Variants in PLEKHO1 observed in about 807,000 individuals in gnomAD.
PLEKHO1 encodes the protein pleckstrin homology domain containing O1.
In PLEKHO1, 22 loss-of-function variants were observed where a neutral mutation model predicts 41.4. The observed-to-expected ratio is 0.53, with a 90% CI of 0.38 to 0.76. The LOEUF is 0.76. PLEKHO1 is among the 30% of genes least tolerant of loss of function. The pLI, the probability that PLEKHO1 is intolerant of heterozygous loss-of-function variation, is 0.00. For missense variants in PLEKHO1, 488 were observed against 518.3 expected (o/e 0.94, Z 0.57); for synonymous variants, 225 against 210.8 (o/e 1.07, Z -0.58).
At chr1:150,150,645 A>AGGGAACCT (rs1258183178) in intron 1 of PLEKHO1, 1 of 425,662 alleles carries the variant, frequency 2.3e-6, no homozygotes, top group South Asian at 2.6e-5. Flanking sequence ...CAGGGCCTGG[A>AGGGAACCT]GGGAACCTGG....
rs587728777 is a variant in PLEKHO1 at position 150,159,199 on chromosome 1, G to A, written c.906G>A (p.Pro302=). ...CCCCAACCCCTGCCCTCCCCAACCC[G>A]GGGCAGCTGTCCCGGATCCAGGACC... ...EEPPTPALPN[P]GQLSRIQDLV... The change falls in exon 6 of 6, where the codon CCG becomes CCA. Residue 302 remains proline, a synonymous_variant. Transcript: ENST00000369124. 1.9e-5 allele frequency: 31 copies of A among 1,613,866 alleles called. No individual in the cohort carries two copies. Among genetic ancestry groups the A allele is most frequent in the South Asian group, 3.3e-5 (3 of 91,066 alleles).
chr1:150,155,969 C>T, intron 2 of PLEKHO1, 97 bp from the exon 3 acceptor site: 1 of 1,208,048 alleles, frequency 8.3e-7, no homozygotes, highest in South Asian at 1.4e-5. Context: ...TCCCTCTCCT[C>T]AGGCTTCCTC....
At chr1:150,151,480 A>G (rs1359932004) in intron 2 of PLEKHO1, among the ~76,000 whole-genome samples, 1 of 152,026 alleles carries the variant, frequency 6.6e-6, no homozygotes, top group Non-Finnish European at 1.5e-5. Context: ...TGTCTGTGGC[A>G]GGAGCGTGCA....
chr1:150,157,843 T>TA (rs1336016381), intron 5 of PLEKHO1, among the ~76,000 whole-genome samples: 1 of 152,176 alleles, frequency 6.6e-6, no homozygotes, highest in Non-Finnish European at 1.5e-5. Flanking sequence ...TCCTGAAACA[T>TA]ACAACGTGCT....
At chr1:150,157,537 C>T in intron 5 of PLEKHO1, 51 bp downstream of exon 5, 1 of 1,280,878 alleles carries the variant, frequency 7.8e-7, no homozygotes, top group Non-Finnish European at 1.1e-6. Flanking sequence ...TGTGTCAGTC[C>T]ATCTCAGACA....
At chr1:150,153,330 G>A (rs782376737) in intron 2 of PLEKHO1, among the ~76,000 whole-genome samples, 4 of 152,048 alleles carry the variant, frequency 2.6e-5, no homozygotes, top group Non-Finnish European at 5.9e-5. Context: ...TGGGACTACA[G>A]GCATGCACCA....
Position 150,159,497 on chromosome 1 carries a change from A to G in PLEKHO1, c.1204A>G (p.Ser402Gly). 1 of 1,610,972 alleles carries G rather than the reference A, an allele frequency of 6.2e-7. No homozygotes were observed. Among genetic ancestry groups the G allele is most frequent in the Non-Finnish European group, 8.5e-7 (1 of 1,177,962 alleles). The change falls in exon 6 of 6, where the codon AGT becomes GGT. Residue 402 changes from serine to glycine, a missense_variant. Transcript: ENST00000369124. ...CCACCTCAGACAGACCACCCCGCAC[A>G]GTCAGTACCGGAAGAGCCTGATGTG... ...DSHLRQTTPH[S>G]QYRKSLM is the part of the protein sequence containing the mutation.
intron 2 of PLEKHO1, 88 bp downstream of exon 2, chr1:150,151,146 G>C: frequency 6.7e-7 from 1 of 1,487,644 alleles, no homozygotes; most frequent in Non-Finnish European, 9.3e-7. Flanking sequence ...CTCCACCCCC[G>C]TTTTGTTCCA....
At chr1:150,154,526 A>T (rs1248633327) in intron 2 of PLEKHO1, 2 of 152,316 alleles carry the variant, frequency 1.3e-5, no homozygotes, top group Non-Finnish European at 2.9e-5. Context: ...GTTCAGAAGG[A>T]TGGGCAGATA....
Position 150,158,983 on chromosome 1 carries a change from C to T in PLEKHO1, c.690C>T (p.Ile230=). The change falls in exon 6 of 6, where the codon ATC becomes ATT. Residue 230 remains isoleucine (I), a synonymous_variant. Transcript: ENST00000369124. ...GGCGGAGAGCGGACTCAGACCGCAT[C>T]CAGCCCTCCGCAGACCGGGCAAGCA... ...GSRRRADSDR[I]QPSADRASSL... The T allele has an allele frequency of 6.2e-7, 1 of 1,614,186 alleles. No individual in the cohort carries two copies. Among genetic ancestry groups the T allele is most frequent in the Non-Finnish European group, 8.5e-7 (1 of 1,180,026 alleles).
In PLEKHO1 at chr1:150,159,072, A is replaced by G. The variant is rs1553821317; in HGVS notation, c.779A>G (p.Lys260Arg). ...GATYTPQAPKKLTPTEKGRCA... is the reference protein window; with the variant it reads ...GATYTPQAPKRLTPTEKGRCA... ...ACCTACACCCCCCAGGCACCCAAGA[A>G]GTTGACGCCCACAGAGAAAGGCCGC... Residue 260 changes from lysine (K) to arginine (R), a missense_variant, in exon 6 of 6, where the codon AAG (lysine) becomes AGG (arginine). Physicochemically the swap from Lys to Arg is conservative, Grantham distance 26. Transcript: ENST00000369124. The G allele has an allele frequency of 4.3e-6, 7 of 1,614,086 alleles. No homozygotes were observed. The highest frequency in any genetic ancestry group is 4.0e-5 in the African/African-American group (3 of 75,024).
At chr1:150,158,697 A>G (rs903900566) in intron 5 of PLEKHO1, 122 bp from the exon 6 acceptor site, 2 of 726,854 alleles carry the variant, frequency 2.8e-6, no homozygotes, top group Non-Finnish European at 4.8e-6. Context: ...TCTAAAAAAA[A>G]GTACTTCTCA....
intron 2 of PLEKHO1, chr1:150,153,625 A>C (rs1352243650): frequency 6.6e-6 from 1 of 151,658 alleles, no homozygotes; most frequent in African/African-American, 2.4e-5. Context: ...TCCCACAACC[A>C]CCTCTGCCGT....
intron 2 of PLEKHO1, chr1:150,152,759 A>G (rs1414912985): frequency 6.7e-6 from 1 of 149,640 alleles, no homozygotes; most frequent in Non-Finnish European, 1.5e-5. Context: ...TCTTAATTGC[A>G]GGAAACTCTA....
rs1277265305 is a variant in PLEKHO1, at chr1:150,158,749, CT to C, written c.526-66del. 5 of 1,063,126 alleles carry C rather than the reference CT, an allele frequency of 4.7e-6. No homozygotes were observed. The African/African-American group carries it at 7.9e-5, about 17-fold the overall frequency. 65.9% of individuals were successfully genotyped at this position (1,063,126 alleles called of 1,614,324 possible). A position where few individuals can be genotyped will look rare whatever the true frequency, so the allele number is the denominator to read the frequency against. ...AGAGGAAAATGACCACAGCTTGCATCTTTTAGGCAGTCATTCCGAAAATCCC... is the reference window on the plus strand; with the variant it reads ...AGAGGAAAATGACCACAGCTTGCATCTTTAGGCAGTCATTCCGAAAATCCC... On this transcript the variant is annotated intron_variant, in intron 5 of 5. Transcript: ENST00000369124.
intron 2 of PLEKHO1, among the ~76,000 whole-genome samples, chr1:150,151,267 G>A (rs1659916923): frequency 6.6e-6 from 1 of 152,196 alleles, no homozygotes; most frequent in Non-Finnish European, 1.5e-5. Flanking sequence ...CGCTTACTCA[G>A]TGTTTTTTTG....
Position 150,157,369 on chromosome 1 carries a change from C to T in PLEKHO1, c.424-16C>T. 1 of 1,589,482 alleles carries T rather than the reference C, an allele frequency of 6.3e-7. No individual in the cohort carries two copies. Among genetic ancestry groups the T allele is most frequent in the Non-Finnish European group, 8.6e-7 (1 of 1,157,866 alleles). Reference sequence around the variant, plus strand: ...GTCGCTGAAGAGCACTCATGATTCACAGTACATCTCTTCAGGTCACCGTTG... The same window carrying T: ...GTCGCTGAAGAGCACTCATGATTCATAGTACATCTCTTCAGGTCACCGTTG... On this transcript the variant is annotated splice_polypyrimidine_tract_variant and intron_variant, in intron 4 of 5. Coordinates refer to ENST00000369124, the MANE Select transcript of PLEKHO1 (RefSeq NM_016274.6).
At position 150,159,057 on chromosome 1, in the gene PLEKHO1, C is replaced by T. The variant is rs782292173; in HGVS notation, c.764C>T (p.Pro255Leu). 1.2e-6 allele frequency: 2 copies of T among 1,613,980 alleles called. No homozygotes were observed. Among genetic ancestry groups the T allele is most frequent in the South Asian group, 1.1e-5 (1 of 91,088 alleles). Residue 255 changes from proline (P) to leucine (L), a missense_variant, in exon 6 of 6, where the codon CCC (proline) becomes CTC (leucine). Pro to Leu is a moderately conservative substitution (Grantham distance 98, BLOSUM62 -3). Around this residue, in one of 3 missense-constraint regions of PLEKHO1, gnomAD observed 337 missense variants for 324.6 expected, o/e 1.04. Transcript: ENST00000369124. ...ACAGACAAAGGGGCCACCTACACCC[C>T]CCAGGCACCCAAGAAGTTGACGCCC... ...EKTDKGATYTPQAPKKLTPTE... is the reference protein window; with the variant it reads ...EKTDKGATYTLQAPKKLTPTE...
chr1:150,158,672 G>A (rs1372870003), intron 5 of PLEKHO1, 147 bp from the exon 6 acceptor site: 1 of 642,780 alleles, frequency 1.6e-6, no homozygotes, highest in Non-Finnish European at 2.7e-6. Context: ...CTGGGTGACA[G>A]AGCAAGACTC....
Sources: gnomAD v4.1 joint callset for allele counts (sites outside exome capture counted in the v4.1 genomes callset) on GRCh38, gnomAD v4.1.1 for gene constraint, gnomAD v4.1.1 regional missense constraint, MANE v1.5 for transcripts, NCBI Gene and HGNC (gene_info 2026-07-23, HGNC 2026-07-21) for gene names.